The following PYROXD2 variants were observed in gnomAD, a reference collection of about 807,000 sequenced individuals.
The protein encoded by PYROXD2 is pyridine nucleotide-disulphide oxidoreductase domain 2, also known as pyridine nucleotide-disulfide oxidoreductase domain-containing protein 2.
Under a neutral mutation model 71.1 loss-of-function variants are expected in PYROXD2, and 69 were observed. The ratio of observed to expected loss-of-function variants is 0.97; its 90% CI spans 0.80 to 1.19. The LOEUF is 1.19. PYROXD2 is among the 50% of genes most tolerant of loss of function. PYROXD2 has a pLI of 0.00. For synonymous variants in PYROXD2, 287 were observed against 302.7 expected (o/e 0.95, Z 0.54); for missense variants, 745 against 748.9 (o/e 0.99, Z 0.06).
intron 6 of PYROXD2, 34 bp downstream of exon 6, chr10:98,397,311 C>T (rs533680465): frequency 6.5e-7 from 1 of 1,537,644 alleles, no homozygotes; most frequent in Admixed American, 1.9e-5. Flanking sequence ...TTGAAGGTCA[C>T]TCATCATGCC....
intron 1 of PYROXD2, among the ~76,000 whole-genome samples, chr10:98,414,559 G>A (rs905971055): frequency 6.6e-6 from 1 of 152,198 alleles, no homozygotes; most frequent in African/African-American, 2.4e-5. Context: ...GACGAGGGGT[G>A]GCCTCAGTGG....
intron 4 of PYROXD2, among the ~76,000 whole-genome samples, chr10:98,404,729 G>A (rs1331570013): frequency 6.6e-6 from 1 of 152,148 alleles, no homozygotes; most frequent in Admixed American, 6.5e-5. Context: ...GAGATTTAAA[G>A]GGTGTGGTTC....
chr10:98,402,132 T>C (rs1216921547), intron 4 of PYROXD2, among the ~76,000 whole-genome samples: 2 of 152,178 alleles, frequency 1.3e-5, no homozygotes, highest in Admixed American at 6.5e-5. Flanking sequence ...TTCAGCTCCA[T>C]TGTAAGCTTA....
At chr10:98,388,596 C>G (rs2182168) in intron 12 of PYROXD2, 88 bp from the exon 13 acceptor site, 495,375 of 1,323,588 alleles carry the variant, frequency 0.37, 96,527 homozygotes, top group African/African-American at 0.55. Context: ...CAGTGGAGGC[C>G]CTGAGATGAC....
At chr10:98,405,735 G>C (rs1564808756) in intron 4 of PYROXD2, among the ~76,000 whole-genome samples, 2 of 152,186 alleles carry the variant, frequency 1.3e-5, no homozygotes, top group Non-Finnish European at 2.9e-5. Context: ...TCACCGCAAA[G>C]TACCAAGAGC....
intron 4 of PYROXD2, among the ~76,000 whole-genome samples, chr10:98,401,273 A>AAAAAAACAAAC (rs149519972): frequency 4.1e-4 from 50 of 121,684 alleles, no homozygotes; most frequent in African/African-American, 1.7e-3. Context: ...AAAACAAAAA[A>AAAAAAACAAAC]AAACAAACAT....
At chr10:98,414,937 C>A (rs1403664550) in intron 1 of PYROXD2, 72 bp downstream of exon 1, 2 of 1,559,904 alleles carry the variant, frequency 1.3e-6, no homozygotes, top group Middle Eastern at 1.7e-4. Context: ...CCCCCTCCCC[C>A]TCCCCACCAA....
At position 98,410,970 on chromosome 10, in the gene PYROXD2, C is replaced by A; in HGVS notation, c.128-12G>T. On this transcript the variant is annotated splice_polypyrimidine_tract_variant and intron_variant, in intron 1 of 15. Coordinates refer to ENST00000370575, the MANE Select transcript of PYROXD2 (RefSeq NM_032709.3). ...CAGTCCGTTGTGTCCTGCAACAAAA[C>A]GGGACAGGGAAGGAAAACATCACTG... The A allele has an allele frequency of 6.4e-7, 1 of 1,561,566 alleles. No individual in the cohort carries two copies. Among genetic ancestry groups the A allele is most frequent in the Non-Finnish European group, 8.7e-7 (1 of 1,152,052 alleles).
chr10:98,388,055 C>T (rs750020652), intron 13 of PYROXD2: 45 of 337,190 alleles, frequency 1.3e-4, no homozygotes, highest in Non-Finnish European at 2.2e-4. Flanking sequence ...CTGGCTCATG[C>T]GTCTCCTTTG....
rs376775640 is a variant in PYROXD2 at position 98,395,301 on chromosome 10, G to A, written c.688-8C>T. The stretch of plus-strand genomic sequence containing the variant: ...GAACCACTGATCCAGCACCTGGACA[G>A]CACAACAGCAGAGAGAAGGGCTTAG... On this transcript the variant is annotated splice_region_variant and splice_polypyrimidine_tract_variant and intron_variant, in intron 7 of 15. Coordinates refer to ENST00000370575, the MANE Select transcript of PYROXD2 (RefSeq NM_032709.3). The A allele has an allele frequency of 2.5e-6, 4 of 1,614,032 alleles. No homozygotes were observed. The African/African-American group carries it at 4.0e-5, about 16-fold the overall frequency.
Position 98,395,391 on chromosome 10 carries a change from C to T in PYROXD2, c.687G>A (p.Lys229=), listed in dbSNP as rs1358691752. Reference sequence around the variant, plus strand: ...GGCCTGAGGCTGGGGAACCACTCACCTTGGTAATGGGAGCTGTGAGGACCT... The same window carrying T: ...GGCCTGAGGCTGGGGAACCACTCACTTTGGTAATGGGAGCTGTGAGGACCT... ...YYEVLTAPIT[K]VLDQWFESEP... Residue 229 remains lysine (K), a splice_region_variant and synonymous_variant, in exon 7 of 16, where the codon AAG becomes AAA. Transcript: ENST00000370575. The T allele has an allele frequency of 6.2e-7, 1 of 1,614,174 alleles. No homozygotes were observed. Among genetic ancestry groups the T allele is most frequent in the Non-Finnish European group, 8.5e-7 (1 of 1,179,982 alleles).
In PYROXD2 at chr10:98,385,082, C is replaced by T. The variant is rs572821345; in HGVS notation, c.1555-15G>A. The T allele has an allele frequency of 3.7e-6, 6 of 1,613,350 alleles. No individual in the cohort carries two copies. In the East Asian group the frequency reaches 1.3e-4, roughly 36 times the overall value. On this transcript the variant is annotated splice_polypyrimidine_tract_variant and intron_variant, in intron 14 of 15. Transcript: ENST00000370575. ...TGGAATATGTTCTGCAGAGGCAGGG[C>T]CACAGTCATCAGCACAGGAGAGTTA... is the stretch of plus-strand genomic sequence containing the variant.
At chr10:98,413,908 C>G (rs1564815143) in intron 1 of PYROXD2, 1 of 152,130 alleles carries the variant, frequency 6.6e-6, no homozygotes, top group East Asian at 1.9e-4. Flanking sequence ...TGGCAAAAAT[C>G]AAAGAAAGCC....
rs1050128097 is a variant in PYROXD2 at position 98,400,090 on chromosome 10, C to T, written c.471+12G>A. 13 of 1,610,830 alleles carry T rather than the reference C, an allele frequency of 8.1e-6. No individual in the cohort carries two copies. The highest frequency in any genetic ancestry group is 2.7e-5 in the African/African-American group (2 of 74,998). On this transcript the variant is annotated intron_variant, in intron 5 of 15. Transcript: ENST00000370575. The stretch of plus-strand genomic sequence containing the variant: ...AGGGAGCAGGAGCTCAGTCACTGGT[C>T]GCCTTCCCTACCTGGGCATCCTTCT...
At chr10:98,408,739 G>A (rs1843692422) in intron 2 of PYROXD2, among the ~76,000 whole-genome samples, 1 of 152,160 alleles carries the variant, frequency 6.6e-6, no homozygotes, top group African/African-American at 2.4e-5. Flanking sequence ...TGAATCTACC[G>A]ATCTAAAATG....
chr10:98,409,654 A>T (rs1033307704), intron 2 of PYROXD2, among the ~76,000 whole-genome samples: 5 of 152,168 alleles, frequency 3.3e-5, no homozygotes, highest in Non-Finnish European at 7.3e-5. Flanking sequence ...GCAGCAAATG[A>T]TCTATTACCT....
intron 15 of PYROXD2, among the ~76,000 whole-genome samples, chr10:98,384,252 T>TGGC (rs5787280): frequency 5.3e-5 from 8 of 151,650 alleles, no homozygotes; most frequent in African/African-American, 1.9e-4. Context: ...GCATAGCAAA[T>TGGC]AGCCTCAGCC....
chr10:98,401,253 CAAA>C (rs751517406), intron 4 of PYROXD2, among the ~76,000 whole-genome samples: 1 of 45,588 alleles, frequency 2.2e-5, no homozygotes, highest in African/African-American at 1.1e-4. Context: ...GACTCTGTCT[CAAA>C]AAAAAAAAAA....
chr10:98,387,634 T>G (rs1237251232), intron 13 of PYROXD2, among the ~76,000 whole-genome samples: 2 of 47,542 alleles, frequency 4.2e-5, no homozygotes, highest in Non-Finnish European at 7.1e-5. Context: ...GTTTTTTTTT[T>G]TTTTTTTTTT....
Sources: allele counts gnomAD v4.1 joint callset (sites outside exome capture counted in the v4.1 genomes callset), GRCh38; gene constraint gnomAD v4.1.1; transcripts MANE v1.5; gene names NCBI Gene and HGNC (gene_info 2026-07-23, HGNC 2026-07-21).